MTUS2: variants seen among roughly 807,000 people sequenced by gnomAD.
The protein encoded by MTUS2 is microtubule associated scaffold protein 2.
Under a neutral mutation model 114.1 loss-of-function variants are expected in MTUS2, and 40 were observed. The observed-to-expected ratio is 0.35, with a 90% CI of 0.27 to 0.46. The LOEUF (loss-of-function observed/expected upper bound fraction) is 0.46, where lower values mean the gene tolerates loss of function less well. Among genes scored for constraint, MTUS2 ranks in the 20% least tolerant of loss-of-function variants. The pLI is 1.00. For synonymous variants in MTUS2, 688 were observed against 672.0 expected (o/e 1.02, Z -0.37); for missense variants, 1,679 against 1,705.4 (o/e 0.98, Z 0.27).
chr13:28,874,215 C>G (rs1877795471), intron 2 of MTUS2, among the ~76,000 whole-genome samples: 1 of 151,980 alleles, frequency 6.6e-6, no homozygotes, highest in Admixed American at 6.6e-5. Flanking sequence ...CTTGGCCAGG[C>G]TGGTCTTGAA....
At chr13:29,466,893 A>G (rs918608819) in intron 9 of MTUS2, among the ~76,000 whole-genome samples, 9 of 151,774 alleles carry the variant, frequency 5.9e-5, no homozygotes, top group Admixed American at 2.6e-4. Flanking sequence ...AAAAAAAAAA[A>G]AAAGAAAAGA....
chr13:29,303,756 TGC>T (rs1223168555), intron 6 of MTUS2, among the ~76,000 whole-genome samples: 1 of 152,026 alleles, frequency 6.6e-6, no homozygotes, highest in African/African-American at 2.4e-5. Flanking sequence ...TAGCAAGACA[TGC>T]CAACATTCAA....
At chr13:29,175,984 A>G (rs1893756612) in intron 5 of MTUS2, among the ~76,000 whole-genome samples, 2 of 152,182 alleles carry the variant, frequency 1.3e-5, no homozygotes, top group Non-Finnish European at 2.9e-5. Flanking sequence ...TTTGAAATTT[A>G]CAGTCCCAAC....
intron 6 of MTUS2, among the ~76,000 whole-genome samples, chr13:29,282,780 T>C (rs1418474571): frequency 6.6e-6 from 1 of 152,208 alleles, no homozygotes; most frequent in Non-Finnish European, 1.5e-5. Context: ...ACGGGTTTTA[T>C]AGGTATTTTT....
At chr13:28,875,750 A>C (rs1259853396) in intron 2 of MTUS2, among the ~76,000 whole-genome samples, 1 of 152,228 alleles carries the variant, frequency 6.6e-6, no homozygotes, top group Non-Finnish European at 1.5e-5. Flanking sequence ...TAAATAAAAA[A>C]TGGTTTCTAT....
intron 2 of MTUS2, among the ~76,000 whole-genome samples, chr13:28,923,750 A>G (rs371641722): frequency 7.2e-5 from 11 of 152,086 alleles, no homozygotes; most frequent in African/African-American, 2.4e-4. Context: ...CAGCTTCCCA[A>G]CCTAGTTCAC....
At chr13:29,494,049 C>T (rs773082061) in intron 12 of MTUS2, among the ~76,000 whole-genome samples, 6 of 152,162 alleles carry the variant, frequency 3.9e-5, no homozygotes, top group Non-Finnish European at 5.9e-5. Context: ...TGTTTAAATC[C>T]CCGCTGCACT....
intron 2 of MTUS2, among the ~76,000 whole-genome samples, chr13:28,985,043 T>C (rs1481153008): frequency 1.3e-5 from 2 of 152,226 alleles, no homozygotes; most frequent in African/African-American, 4.8e-5. Flanking sequence ...GTGGCTTTTA[T>C]TTTGGAATGG....
intron 7 of MTUS2, among the ~76,000 whole-genome samples, chr13:29,337,064 C>T (rs922917330): frequency 1.3e-5 from 2 of 152,200 alleles, no homozygotes; most frequent in Non-Finnish European, 2.9e-5. Flanking sequence ...GCCAGTGGAT[C>T]TTAGCTTGCT....
chr13:28,984,031 A>G (rs892828040), intron 2 of MTUS2, among the ~76,000 whole-genome samples: 5 of 152,046 alleles, frequency 3.3e-5, no homozygotes, highest in African/African-American at 7.2e-5. Context: ...TTCCAGCTCT[A>G]TGTTCAGTGG....
At chr13:28,899,258 C>G (rs1403708876) in intron 2 of MTUS2, among the ~76,000 whole-genome samples, 11 of 152,150 alleles carry the variant, frequency 7.2e-5, no homozygotes, top group Admixed American at 7.2e-4. Flanking sequence ...ATTTTAAGTT[C>G]AGCCAAAAGA....
chr13:29,068,437 ATATTTCTCAATTTATTTGGAGAAACAC>A (rs56384281), intron 4 of MTUS2, among the ~76,000 whole-genome samples: 58,170 of 142,646 alleles, frequency 0.41, 11,404 homozygotes, highest in African/African-American at 0.47. Context: ...GGTGTAATAA[ATATTTCTCAATTTATTTGGAGAAACAC>A]TATCTTTAAT....
chr13:29,120,107 C>T (rs1004319004), intron 5 of MTUS2, among the ~76,000 whole-genome samples: 11 of 151,928 alleles, frequency 7.2e-5, no homozygotes, highest in Admixed American at 4.6e-4. Context: ...ATTAGACTGA[C>T]GAAGATTGAA....
Position 29,024,761 on chromosome 13 carries a change from A to G in MTUS2, c.63A>G (p.Ala21=), listed in dbSNP as rs1487833748. The G allele has an allele frequency of 6.2e-7, 1 of 1,613,934 alleles. No individual in the cohort carries two copies. The highest frequency in any genetic ancestry group is 8.5e-7 in the Non-Finnish European group (1 of 1,179,910). ...CYTQLRDNRN[A]ARNNNESILS... ...CTCAGTTGCGGGACAACAGAAATGC[A>G]GCAAGAAATAATAATGAAAGCATCT... The change falls in exon 3 of 16, where the codon GCA becomes GCG. Residue 21 remains alanine, a synonymous_variant. Coordinates refer to ENST00000612955, the MANE Select transcript of MTUS2 (RefSeq NM_001033602.4).
intron 2 of MTUS2, among the ~76,000 whole-genome samples, chr13:28,965,169 C>A (rs746338188): frequency 6.6e-6 from 1 of 152,138 alleles, no homozygotes; most frequent in Non-Finnish European, 1.5e-5. Context: ...TGGCACATTT[C>A]TTTATAATTT....
chr13:29,451,611 T>C (rs1416297242), intron 9 of MTUS2, among the ~76,000 whole-genome samples: 1 of 150,734 alleles, frequency 6.6e-6, no homozygotes, highest in Non-Finnish European at 1.5e-5. Flanking sequence ...TGAGATGGAG[T>C]TTTGCTCTTG....
chr13:28,971,416 A>G (rs1883851245), intron 2 of MTUS2, among the ~76,000 whole-genome samples: 2 of 152,212 alleles, frequency 1.3e-5, no homozygotes, highest in African/African-American at 4.8e-5. Context: ...AGGAATCCTC[A>G]GGCTCTCATT....
intron 1 of MTUS2, among the ~76,000 whole-genome samples, chr13:28,839,322 G>A (rs1239116204): frequency 2.0e-5 from 3 of 152,150 alleles, no homozygotes; most frequent in Admixed American, 1.3e-4. Flanking sequence ...AAGAAAATAA[G>A]CATGACAGTA....
chr13:28,907,006 G>C (rs1041167945), intron 2 of MTUS2, among the ~76,000 whole-genome samples: 1 of 151,460 alleles, frequency 6.6e-6, no homozygotes, highest in African/African-American at 2.4e-5. Context: ...CAGAGAGAAA[G>C]GTCGGGTTAC....
Sources: allele counts gnomAD v4.1 joint callset (sites outside exome capture counted in the v4.1 genomes callset), GRCh38; gene constraint gnomAD v4.1.1; transcripts MANE v1.5; gene names NCBI Gene and HGNC (gene_info 2026-07-23, HGNC 2026-07-21).